The following RPTOR variants were observed in gnomAD, a reference collection of about 807,000 sequenced individuals.
The protein encoded by RPTOR is regulatory-associated protein of mTOR.
In RPTOR, 21 loss-of-function variants were observed where a neutral mutation model predicts 169.9. The observed-to-expected ratio is 0.12, with a 90% CI of 0.09 to 0.18. The LOEUF (loss-of-function observed/expected upper bound fraction) is 0.18. Among genes scored for constraint, RPTOR ranks in the 10% least tolerant of loss-of-function variants. The pLI is 1.00. For missense variants in RPTOR, 1,133 were observed against 1,855.9 expected (o/e 0.61, Z 7.16); for synonymous variants, 732 against 753.2 (o/e 0.97, Z 0.46).
intron 3 of RPTOR, among the ~76,000 whole-genome samples, chr17:80,654,051 G>C (rs1359359637): frequency 6.6e-6 from 1 of 152,252 alleles, no homozygotes. Flanking sequence ...GGGAGTGTGT[G>C]GTTCAAAGTC....
chr17:80,918,417 G>A (rs1047585787), intron 21 of RPTOR, among the ~76,000 whole-genome samples: 5 of 151,826 alleles, frequency 3.3e-5, no homozygotes, highest in Non-Finnish European at 5.9e-5. Flanking sequence ...ACCCTCGCGG[G>A]GGTCATAGCC....
intron 7 of RPTOR, among the ~76,000 whole-genome samples, chr17:80,797,955 T>A (rs1288735673): frequency 6.6e-6 from 1 of 152,146 alleles, no homozygotes; most frequent in Non-Finnish European, 1.5e-5. Flanking sequence ...GACAAACAGA[T>A]CATCATCAAG....
chr17:80,640,906 G>A (rs1402805917), intron 2 of RPTOR, among the ~76,000 whole-genome samples: 1 of 152,258 alleles, frequency 6.6e-6, no homozygotes, highest in Non-Finnish European at 1.5e-5. Context: ...TGACAGCCGC[G>A]GGCCGCGACC....
chr17:80,587,103 G>T (rs1182697041), intron 1 of RPTOR, among the ~76,000 whole-genome samples: 1 of 152,232 alleles, frequency 6.6e-6, no homozygotes, highest in African/African-American at 2.4e-5. Context: ...GGGCTTGTCG[G>T]GTGCAGACGG....
At chr17:80,907,249 A>ACTTG (rs1414935519) in intron 20 of RPTOR, among the ~76,000 whole-genome samples, 4 of 152,252 alleles carry the variant, frequency 2.6e-5, no homozygotes, top group Admixed American at 2.6e-4. Flanking sequence ...GTGAACAAGC[A>ACTTG]CTTGCTTCTC....
In RPTOR at chr17:80,925,422, C is replaced by T. The variant is rs150835528; in HGVS notation, c.2861C>T (p.Thr954Met). The change falls in exon 24 of 34, where the codon ACG becomes ATG. Residue 954 changes from threonine (T) to methionine (M), a missense_variant. Physicochemically the swap from Thr to Met is moderately conservative, Grantham distance 81 (BLOSUM62 -1). Transcript: ENST00000306801. ...AAGHKSFISA[T>M]VQTGFCDWSA... is the part of the protein sequence containing the mutation. Reference sequence around the variant, plus strand: ...GGACACAAAAGTTTCATCTCCGCCACGGTGCAGACGGGGTTCTGCGACTGG... The same window carrying T: ...GGACACAAAAGTTTCATCTCCGCCATGGTGCAGACGGGGTTCTGCGACTGG... 76 of 1,613,570 alleles carry T rather than the reference C, an allele frequency of 4.7e-5. No homozygotes were observed. The highest frequency in any genetic ancestry group is 6.7e-5 in the Admixed American group (4 of 60,006).
chr17:80,618,409 C>T (rs2065329243), intron 1 of RPTOR, among the ~76,000 whole-genome samples: 1 of 152,188 alleles, frequency 6.6e-6, no homozygotes, highest in Admixed American at 6.5e-5. Flanking sequence ...TTTTGACTTT[C>T]AGAAATCTAA....
intron 6 of RPTOR, among the ~76,000 whole-genome samples, chr17:80,757,805 T>C (rs970564389): frequency 6.6e-6 from 1 of 152,156 alleles, no homozygotes; most frequent in Non-Finnish European, 1.5e-5. Context: ...TTCCCACCTC[T>C]GTCCTTTCCC....
chr17:80,701,967 T>G (rs2066104605), intron 3 of RPTOR, among the ~76,000 whole-genome samples: 1 of 152,136 alleles, frequency 6.6e-6, no homozygotes, highest in Non-Finnish European at 1.5e-5. Flanking sequence ...AGCGGGACCA[T>G]GCCGCCACGA....
intron 9 of RPTOR, among the ~76,000 whole-genome samples, chr17:80,837,503 C>G (rs1036070100): frequency 6.6e-6 from 1 of 152,230 alleles, no homozygotes; most frequent in Non-Finnish European, 1.5e-5. Flanking sequence ...CCGCGTCCCT[C>G]CAGGACGCTG....
At chr17:80,961,691 G>T in intron 31 of RPTOR, 1 of 575,512 alleles carries the variant, frequency 1.7e-6, no homozygotes, top group Non-Finnish European at 3.0e-6. Context: ...CACCTGACCT[G>T]CAGGCGCTTT....
At chr17:80,548,523 A>C (rs1247570230) in intron 1 of RPTOR, among the ~76,000 whole-genome samples, 5 of 151,252 alleles carry the variant, frequency 3.3e-5, no homozygotes, top group Admixed American at 3.3e-4. Context: ...CTGGGATTAC[A>C]GGCGCCTGGC....
At chr17:80,924,833 C>T (rs180936285) in intron 23 of RPTOR, among the ~76,000 whole-genome samples, 12 of 152,344 alleles carry the variant, frequency 7.9e-5, no homozygotes, top group South Asian at 2.1e-4. Flanking sequence ...CAGCCCTGGC[C>T]GCCACAGGTT....
intron 10 of RPTOR, among the ~76,000 whole-genome samples, chr17:80,840,784 C>A: frequency 7.6e-6 from 1 of 132,240 alleles, no homozygotes; most frequent in South Asian, 2.7e-4. Context: ...CACACCGCAG[C>A]TCACACTCAC....
intron 3 of RPTOR, among the ~76,000 whole-genome samples, chr17:80,647,724 C>T (rs543664736): frequency 1.4e-3 from 216 of 152,206 alleles, no homozygotes; most frequent in African/African-American, 4.9e-3. Context: ...GGGGAGGAGG[C>T]GGAAGGCGCT....
intron 31 of RPTOR, among the ~76,000 whole-genome samples, chr17:80,962,217 C>T (rs564045130): frequency 9.2e-5 from 14 of 152,354 alleles, no homozygotes; most frequent in Admixed American, 5.2e-4. Flanking sequence ...GAAAGCTCCG[C>T]GCCTTTTCTG....
intron 24 of RPTOR, among the ~76,000 whole-genome samples, chr17:80,928,205 C>G (rs958528294): frequency 3.3e-5 from 5 of 152,002 alleles, no homozygotes; most frequent in African/African-American, 1.2e-4. Context: ...AGACCTTTTC[C>G]AAACTTCAGA....
rs1448066509 is a variant in RPTOR at position 80,947,189 on chromosome 17, T to G, written c.3141-38T>G. ...CTCACTGTCATTTGGGTTTGCAGTT[T>G]CCTAATGACTTTTTTATTCCTCTCT... On this transcript the variant is annotated intron_variant, in intron 26 of 33. Transcript: ENST00000306801. This position sits in a 1 kb window ranked among gnomAD's most constrained non-coding sequence, Gnocchi z 4.4. 2 of 1,530,460 alleles carry G rather than the reference T, an allele frequency of 1.3e-6. No homozygotes were observed. Among genetic ancestry groups the G allele is most frequent in the Non-Finnish European group, 1.8e-6 (2 of 1,142,306 alleles). 94.8% of individuals were successfully genotyped at this position (1,530,460 alleles called of 1,614,324 possible).
intron 21 of RPTOR, among the ~76,000 whole-genome samples, chr17:80,913,562 C>T (rs1255075321): frequency 1.3e-5 from 2 of 152,126 alleles, no homozygotes; most frequent in Non-Finnish European, 2.9e-5. Flanking sequence ...AAGCGATCCT[C>T]CCACCTCAGC....
Sources: allele counts gnomAD v4.1 joint callset (sites outside exome capture counted in the v4.1 genomes callset), GRCh38; gene constraint gnomAD v4.1.1; non-coding constraint Gnocchi (gnomAD v3.1); transcripts MANE v1.5; gene names NCBI Gene and HGNC (gene_info 2026-07-23, HGNC 2026-07-21).